Variants in ARHGAP17 observed in about 807,000 individuals in gnomAD.
ARHGAP17 encodes Rho GTPase activating protein 17.
Under a neutral mutation model 99.5 loss-of-function variants are expected in ARHGAP17, and 57 were observed. The observed-to-expected ratio is 0.57, with a 90% confidence interval of 0.46 to 0.71. The LOEUF is 0.71. ARHGAP17 is among the 30% of genes least tolerant of loss of function. The pLI is 0.00. For missense variants in ARHGAP17, 1,000 were observed against 1,122.4 expected, an observed-to-expected ratio of 0.89 and a Z score of 1.56; for synonymous variants, 417 against 429.6, an observed-to-expected ratio of 0.97 and a Z score of 0.36.
At chr16:24,964,332 C>G (rs1229438434) in intron 6 of ARHGAP17, 24 bp from the exon 7 acceptor site, 5 of 1,515,436 alleles carry the variant, frequency 3.3e-6, no homozygotes, top group Non-Finnish European at 4.6e-6. Context: ...GGGTCACCAG[C>G]ATCTGAGAAC....
intron 2 of ARHGAP17, among the ~76,000 whole-genome samples, chr16:24,978,701 G>A (rs2052587124): frequency 6.6e-6 from 1 of 152,072 alleles, no homozygotes; most frequent in Non-Finnish European, 1.5e-5. Context: ...GGAAACTGAG[G>A]CGCAGGGAAG....
chr16:24,931,498 G>C (rs1390758452), intron 18 of ARHGAP17, 94 bp from the exon 19 acceptor site: 1 of 1,286,372 alleles, frequency 7.8e-7, no homozygotes, highest in Non-Finnish European at 1.0e-6. Flanking sequence ...CCAGTAATAA[G>C]GTACACCAGC....
rs542399327 is a variant in ARHGAP17 at position 24,965,312 on chromosome 16, TA to T, written c.462-1005del. On this transcript the variant is annotated intron_variant, in intron 6 of 19. Transcript: ENST00000289968. ...GGTGAAACCCCATCTCTACTAAAAA[TA>T]CAAAACATTAGCTGGGCGTGGTGGC... Among the ~76,000 whole-genome samples, 895 of 152,170 alleles carry T rather than the reference TA, an allele frequency of 5.9e-3. 5 individuals are homozygous for T. Among genetic ancestry groups the T allele is most frequent in the Middle Eastern group, 0.01 (3 of 294 alleles).
intron 4 of ARHGAP17, 103 bp from the exon 5 acceptor site, chr16:24,968,875 G>A: frequency 1.0e-6 from 1 of 1,002,428 alleles, no homozygotes; most frequent in Non-Finnish European, 1.5e-6. Context: ...AACGCATTAG[G>A]GTGCTACCTA....
chr16:24,970,369 G>T, intron 4 of ARHGAP17, 138 bp downstream of exon 4: 2 of 808,718 alleles, frequency 2.5e-6, no homozygotes, highest in Non-Finnish European at 4.1e-6. Flanking sequence ...CTCCCAAGGA[G>T]TCTCAGCCGG....
At chr16:25,012,347 C>T (rs527911582) in intron 1 of ARHGAP17, among the ~76,000 whole-genome samples, 2 of 152,322 alleles carry the variant, frequency 1.3e-5, no homozygotes, top group African/African-American at 4.8e-5. Context: ...ACAAGTCCCT[C>T]CCCTGGAACC....
Position 24,931,164 on chromosome 16 carries a change from TTGGGAGCTTGG to T in ARHGAP17, c.2124_2134del (p.Gln709SerfsTer20). 6.3e-7 allele frequency: 1 copy of T among 1,595,680 alleles called. No individual in the cohort carries two copies. The highest frequency in any genetic ancestry group is 8.5e-7 in the Non-Finnish European group (1 of 1,171,466). Reference sequence around the variant, plus strand: ...CGTAGGGGGCTGCGGCGGTGGGTGATTGGGAGCTTGGATTGGAGACAAGCTGCTGGAGTACC... The same window carrying T: ...CGTAGGGGGCTGCGGCGGTGGGTGATATTGGAGACAAGCTGCTGGAGTACC... On this transcript the variant is annotated frameshift_variant, in exon 19 of 20. Transcript: ENST00000289968. LOFTEE classifies it high-confidence loss of function.
intron 1 of ARHGAP17, among the ~76,000 whole-genome samples, chr16:25,006,651 G>T (rs1283189245): frequency 6.6e-6 from 1 of 152,122 alleles, no homozygotes. Context: ...GGCCATATGG[G>T]TCACTGTTGC....
chr16:25,009,316 G>A (rs924175556), intron 1 of ARHGAP17, among the ~76,000 whole-genome samples: 1 of 150,362 alleles, frequency 6.7e-6, no homozygotes, highest in Non-Finnish European at 1.5e-5. Context: ...GCAGTGAGTC[G>A]AGATTGTACC....
chr16:24,940,899 G>C (rs1301241485), intron 16 of ARHGAP17, among the ~76,000 whole-genome samples: 1 of 152,172 alleles, frequency 6.6e-6, no homozygotes, highest in South Asian at 2.1e-4. Context: ...AGCTGGCAGG[G>C]AGAATACACA....
At chr16:24,946,829 T>G (rs2051487292) in intron 14 of ARHGAP17, among the ~76,000 whole-genome samples, 2 of 152,230 alleles carry the variant, frequency 1.3e-5, no homozygotes, top group Non-Finnish European at 2.9e-5. Flanking sequence ...TGGTCACGTT[T>G]TCACAATTTA....
intron 19 of ARHGAP17, among the ~76,000 whole-genome samples, chr16:24,921,463 T>C (rs1242953010): frequency 1.3e-5 from 2 of 152,158 alleles, no homozygotes; most frequent in Non-Finnish European, 2.9e-5. Context: ...TGGTGCAAAA[T>C]GACATCCTGT....
intron 1 of ARHGAP17, among the ~76,000 whole-genome samples, chr16:24,981,149 C>A (rs1344938398): frequency 6.6e-6 from 1 of 152,198 alleles, no homozygotes; most frequent in Admixed American, 6.5e-5. Flanking sequence ...TCTCCCAACT[C>A]CTTGCTCAGT....
At chr16:24,946,691 A>G (rs2051483558) in intron 14 of ARHGAP17, among the ~76,000 whole-genome samples, 2 of 152,128 alleles carry the variant, frequency 1.3e-5, no homozygotes, top group African/African-American at 4.8e-5. Context: ...GAGGAAAGAA[A>G]CATTCCTAAC....
At chr16:25,010,568 C>T (rs1052641339) in intron 1 of ARHGAP17, among the ~76,000 whole-genome samples, 1 of 152,200 alleles carries the variant, frequency 6.6e-6, no homozygotes, top group South Asian at 2.1e-4. Context: ...CTGAAAACAT[C>T]AGGGTAAGGT....
intron 19 of ARHGAP17, among the ~76,000 whole-genome samples, chr16:24,928,366 C>T (rs1415961730): frequency 6.6e-6 from 1 of 152,068 alleles, no homozygotes; most frequent in African/African-American, 2.4e-5. Context: ...CTAGTATCTT[C>T]GGGAAACACA....
chr16:24,950,509 G>C (rs1233046442), intron 12 of ARHGAP17, among the ~76,000 whole-genome samples: 1 of 152,104 alleles, frequency 6.6e-6, no homozygotes, highest in East Asian at 1.9e-4. Flanking sequence ...CCATCTACCA[G>C]GGACAAAGTC....
intron 13 of ARHGAP17, chr16:24,949,043 C>T: frequency 6.0e-6 from 1 of 166,712 alleles, no homozygotes; most frequent in Non-Finnish European, 1.3e-5. Context: ...ATATAAAAGA[C>T]ATTACAGAAT....
chr16:24,964,916 T>C (rs2052127854), intron 6 of ARHGAP17, among the ~76,000 whole-genome samples: 1 of 150,644 alleles, frequency 6.6e-6, no homozygotes, highest in Non-Finnish European at 1.5e-5. Context: ...GAGACCAGCC[T>C]GGACAACACA....
Sources: allele counts gnomAD v4.1 joint callset (sites outside exome capture counted in the v4.1 genomes callset), GRCh38; gene constraint gnomAD v4.1.1; transcripts MANE v1.5; gene names NCBI Gene and HGNC (gene_info 2026-07-23, HGNC 2026-07-21).